Variants in DIAPH2 observed in about 807,000 individuals in gnomAD.
The protein encoded by DIAPH2 is diaphanous related formin 2.
In DIAPH2, 35 loss-of-function variants were observed where a neutral mutation model predicts 92.7. The ratio of observed to expected loss-of-function variants is 0.38; its 90% CI spans 0.29 to 0.50. The LOEUF (loss-of-function observed/expected upper bound fraction) is 0.50, where lower values mean the gene tolerates loss of function less well. Ranked by LOEUF, DIAPH2 falls within the 20% of genes least tolerant of loss-of-function variation. The pLI is 0.94. For synonymous variants in DIAPH2, 301 were observed against 280.4 expected, an observed-to-expected ratio of 1.07 and a Z score of -0.73; for missense variants, 701 against 819.5, an observed-to-expected ratio of 0.86 and a Z score of 1.77.
At chrX:96,823,837 G>A (rs1199323996) in intron 4 of DIAPH2, among the ~76,000 whole-genome samples, 1 of 109,256 alleles carries the variant, frequency 9.2e-6, no homozygotes, top group Non-Finnish European at 1.9e-5. Flanking sequence ...CTTGGTGGAA[G>A]GGGCAAAGTA....
chrX:97,392,943 T>C (rs2069673227), intron 25 of DIAPH2, among the ~76,000 whole-genome samples: 1 of 111,365 alleles, frequency 9.0e-6, no homozygotes, highest in Non-Finnish European at 1.9e-5. Flanking sequence ...GTCGTTTTAG[T>C]GAAGGGTTTG....
intron 26 of DIAPH2, among the ~76,000 whole-genome samples, chrX:97,558,679 T>G (rs2071273287): frequency 1.8e-5 from 2 of 112,104 alleles, no homozygotes; most frequent in African/African-American, 6.5e-5. Flanking sequence ...CATTTCTCTT[T>G]TTTTTTAACA....
intron 19 of DIAPH2, among the ~76,000 whole-genome samples, chrX:97,095,725 A>T (rs1319358563): frequency 9.0e-6 from 1 of 111,638 alleles, no homozygotes; most frequent in Non-Finnish European, 1.9e-5. Context: ...ATTTAAAGGA[A>T]ATAAAGTTTT....
chrX:96,793,668 G>GTGCT (rs1362858822), intron 4 of DIAPH2: 3 of 369,854 alleles, frequency 8.1e-6, no homozygotes, highest in Non-Finnish European at 1.0e-5. Flanking sequence ...TCTTATAAGG[G>GTGCT]TGCTAATCCT....
At chrX:97,000,885 G>C (rs978993262) in intron 17 of DIAPH2, among the ~76,000 whole-genome samples, 4 of 110,763 alleles carry the variant, frequency 3.6e-5, no homozygotes, top group Non-Finnish European at 5.7e-5. Flanking sequence ...CTGTCACACT[G>C]TCAGCCCATG....
At chrX:97,090,503 C>G (rs1429078983) in intron 19 of DIAPH2, among the ~76,000 whole-genome samples, 2 of 109,036 alleles carry the variant, frequency 1.8e-5, no homozygotes, top group Non-Finnish European at 3.8e-5. Context: ...TGATGATTCT[C>G]TTTGTGAAAA....
intron 4 of DIAPH2, among the ~76,000 whole-genome samples, chrX:96,825,125 T>G (rs761662159): frequency 3.2e-4 from 34 of 106,610 alleles, no homozygotes; most frequent in Middle Eastern, 9.7e-3. Flanking sequence ...TTTGTATTTT[T>G]TTTTTTTTTT....
intron 4 of DIAPH2, among the ~76,000 whole-genome samples, chrX:96,820,876 A>C (rs2147675618): frequency 8.9e-6 from 1 of 112,293 alleles, no homozygotes; most frequent in African/African-American, 3.2e-5. Context: ...TTATAGCGAT[A>C]CTTAGAAAAG....
At chrX:97,249,560 G>A (rs995778379) in intron 23 of DIAPH2, among the ~76,000 whole-genome samples, 1 of 111,847 alleles carries the variant, frequency 8.9e-6, no homozygotes, top group Non-Finnish European at 1.9e-5. Context: ...ATTGAGTTGG[G>A]TTGGTTAAAA....
intron 25 of DIAPH2, among the ~76,000 whole-genome samples, chrX:97,409,010 G>A (rs1193231259): frequency 8.9e-6 from 1 of 112,107 alleles, no homozygotes; most frequent in African/African-American, 3.2e-5. Flanking sequence ...GTTTAGTAAT[G>A]GGAGAGACTA....
intron 4 of DIAPH2, among the ~76,000 whole-genome samples, chrX:96,845,665 T>C (rs2064966294): frequency 8.9e-6 from 1 of 112,900 alleles, no homozygotes; most frequent in South Asian, 3.6e-4. Flanking sequence ...TTGACAAAGA[T>C]ATGAATATGG....
chrX:96,997,232 T>C (rs2066110866), intron 17 of DIAPH2, among the ~76,000 whole-genome samples: 1 of 112,273 alleles, frequency 8.9e-6, no homozygotes, highest in Non-Finnish European at 1.9e-5. Context: ...TCTGTGTATT[T>C]TTGTTATCTA....
At chrX:97,002,839 A>T (rs1342087489) in intron 17 of DIAPH2, among the ~76,000 whole-genome samples, 2 of 111,366 alleles carry the variant, frequency 1.8e-5, no homozygotes, top group East Asian at 5.6e-4. Context: ...TGTAAAATAA[A>T]TTATTGTTGA....
chrX:96,920,941 C>T (rs996880593), intron 9 of DIAPH2, among the ~76,000 whole-genome samples: 4 of 111,952 alleles, frequency 3.6e-5, no homozygotes, highest in Non-Finnish European at 7.5e-5. Context: ...TTTATTTAGA[C>T]TATTTAATGT....
intron 4 of DIAPH2, among the ~76,000 whole-genome samples, chrX:96,807,544 T>G (rs920106795): frequency 9.0e-6 from 1 of 111,060 alleles, no homozygotes; most frequent in African/African-American, 3.3e-5. Flanking sequence ...TCGAATTGAT[T>G]ACACTTAATT....
chrX:96,909,850 T>C (rs2065458386), intron 5 of DIAPH2, among the ~76,000 whole-genome samples: 1 of 110,903 alleles, frequency 9.0e-6, no homozygotes, highest in Non-Finnish European at 1.9e-5. Flanking sequence ...GGCGACTGAT[T>C]TCAATTGAAC....
intron 24 of DIAPH2, among the ~76,000 whole-genome samples, chrX:97,370,607 G>C (rs920282758): frequency 8.1e-5 from 9 of 111,392 alleles, no homozygotes; most frequent in Admixed American, 4.8e-4. Context: ...TAAATATTTT[G>C]GGAACCCTTA....
chrX:97,322,385 A>ATTTT (rs1386581110), intron 23 of DIAPH2, among the ~76,000 whole-genome samples: 2 of 112,229 alleles, frequency 1.8e-5, no homozygotes, highest in African/African-American at 6.5e-5. Context: ...GAGGTGGAAG[A>ATTTT]AAAGCTGAAC....
intron 26 of DIAPH2, among the ~76,000 whole-genome samples, chrX:97,583,620 TC>T (rs2071457265): frequency 8.9e-6 from 1 of 112,302 alleles, no homozygotes; most frequent in Non-Finnish European, 1.9e-5. Context: ...GTTACTGCTG[TC>T]TTTTTGTTTG....
Sources: gnomAD v4.1 joint callset for allele counts (sites outside exome capture counted in the v4.1 genomes callset) on GRCh38, gnomAD v4.1.1 for gene constraint, MANE v1.5 for transcripts, NCBI Gene and HGNC (gene_info 2026-07-23, HGNC 2026-07-21) for gene names.